ZRANB3: variants seen among roughly 807,000 people sequenced by gnomAD.
ZRANB3 encodes the protein DNA annealing helicase and endonuclease ZRANB3.
A neutral mutation model predicts 133.8 loss-of-function variants in ZRANB3; 125 were observed. The ratio of observed to expected loss-of-function variants is 0.93; its 90% CI spans 0.81 to 1.08. ZRANB3 has a LOEUF of 1.08. ZRANB3 is among the 50% of genes least tolerant of loss of function. ZRANB3 has a pLI of 0.00. For missense variants in ZRANB3, 1,229 were observed against 1,275.5 expected, an observed-to-expected ratio of 0.96 and a Z score of 0.56; for synonymous variants, 387 against 432.7, an observed-to-expected ratio of 0.89 and a Z score of 1.31.
intron 8 of ZRANB3, among the ~76,000 whole-genome samples, chr2:135,297,248 T>C (rs985898944): frequency 6.6e-6 from 1 of 152,186 alleles, no homozygotes; most frequent in African/African-American, 2.4e-5. Flanking sequence ...CCCGGCCACT[T>C]TGTTTACCTA....
intron 2 of ZRANB3, among the ~76,000 whole-genome samples, chr2:135,473,503 G>C (rs1209549318): frequency 1.3e-5 from 2 of 150,764 alleles, no homozygotes; most frequent in East Asian, 3.9e-4. Context: ...AAAGGACTCA[G>C]GTAATGTACA....
intron 2 of ZRANB3, among the ~76,000 whole-genome samples, chr2:135,491,599 C>T (rs1294947582): frequency 6.6e-6 from 1 of 152,122 alleles, no homozygotes; most frequent in Non-Finnish European, 1.5e-5. Flanking sequence ...CTGCAACCTC[C>T]ACCTCCCTGG....
At chr2:135,285,957 C>T (rs1681341958) in intron 8 of ZRANB3, among the ~76,000 whole-genome samples, 1 of 152,078 alleles carries the variant, frequency 6.6e-6, no homozygotes. Flanking sequence ...AAGTAATTGT[C>T]CTAATTATCA....
chr2:135,469,402 T>A (rs917387938), intron 2 of ZRANB3, among the ~76,000 whole-genome samples: 3 of 152,236 alleles, frequency 2.0e-5, no homozygotes, highest in Non-Finnish European at 4.4e-5. Context: ...AGTTACATGA[T>A]CAAGTATGGA....
At chr2:135,318,830 A>C (rs1683381833) in intron 6 of ZRANB3, among the ~76,000 whole-genome samples, 1 of 152,202 alleles carries the variant, frequency 6.6e-6, no homozygotes, top group Non-Finnish European at 1.5e-5. Context: ...ACTTCATAGC[A>C]TTGGTCTCCA....
chr2:135,236,024 T>C (rs1043452324), intron 12 of ZRANB3, among the ~76,000 whole-genome samples: 2 of 152,198 alleles, frequency 1.3e-5, no homozygotes, highest in Admixed American at 6.6e-5. Context: ...GACATGATTA[T>C]ATATCTAGAA....
chr2:135,414,407 T>A (rs779126717), intron 2 of ZRANB3, among the ~76,000 whole-genome samples: 44 of 152,082 alleles, frequency 2.9e-4, no homozygotes, highest in Non-Finnish European at 4.6e-4. Context: ...GAGCTAACTA[T>A]CCTAAATATA....
At position 135,504,357 on chromosome 2, in the gene ZRANB3, T is replaced by C. The variant is rs750512708; in HGVS notation, c.133A>G (p.Ile45Val). Reference sequence around the variant, plus strand: ...CCATTTCTTTTGAGGGCAAAAATGATGCCATCTTTCTGGAATGGAAGTAGC... The same window carrying C: ...CCATTTCTTTTGAGGGCAAAAATGACGCCATCTTTCTGGAATGGAAGTAGC... The part of the protein sequence containing the change: ...AKLLPFQKDG[I>V]IFALKRNGRC... The change falls in exon 2 of 21, where the codon ATC becomes GTC. Residue 45 changes from isoleucine (I) to valine (V), a missense_variant. Ile to Val is a conservative substitution (Grantham distance 29). Transcript: ENST00000264159. 6.2e-7 allele frequency: 1 copy of C among 1,613,628 alleles called. No individual in the cohort carries two copies. Among genetic ancestry groups the C allele is most frequent in the Non-Finnish European group, 8.5e-7 (1 of 1,179,710 alleles).
At chr2:135,223,302 C>G (rs1462206243) in intron 15 of ZRANB3, among the ~76,000 whole-genome samples, 2 of 151,438 alleles carry the variant, frequency 1.3e-5, no homozygotes, top group African/African-American at 2.4e-5. Context: ...GTTAATTATT[C>G]ACATTTAAGT....
chr2:135,264,947 C>T (rs1363168325), intron 12 of ZRANB3, among the ~76,000 whole-genome samples: 3 of 152,038 alleles, frequency 2.0e-5, no homozygotes, highest in Non-Finnish European at 2.9e-5. Context: ...CAGGGTTTCA[C>T]GATGTTGACT....
At chr2:135,262,466 T>C (rs1573782294) in intron 12 of ZRANB3, among the ~76,000 whole-genome samples, 1 of 152,120 alleles carries the variant, frequency 6.6e-6, no homozygotes, top group African/African-American at 2.4e-5. Context: ...CTCTATAACT[T>C]TGACACCATA....
intron 1 of ZRANB3, among the ~76,000 whole-genome samples, chr2:135,506,894 T>C (rs1693214176): frequency 6.6e-6 from 1 of 152,116 alleles, no homozygotes; most frequent in Non-Finnish European, 1.5e-5. Flanking sequence ...GATTTATGAG[T>C]CAGTTCTGTC....
At chr2:135,525,641 A>T (rs941223939) in intron 1 of ZRANB3, among the ~76,000 whole-genome samples, 5 of 152,180 alleles carry the variant, frequency 3.3e-5, no homozygotes, top group Non-Finnish European at 7.4e-5. Flanking sequence ...TGAGGTCAGG[A>T]GCTCCAGACC....
chr2:135,277,708 T>A (rs1680906956), intron 8 of ZRANB3, among the ~76,000 whole-genome samples: 1 of 152,112 alleles, frequency 6.6e-6, no homozygotes, highest in Non-Finnish European at 1.5e-5. Context: ...GCAGATCACT[T>A]AAGGTCAGGA....
intron 2 of ZRANB3, among the ~76,000 whole-genome samples, chr2:135,395,387 T>C (rs973425990): frequency 2.0e-5 from 3 of 149,994 alleles, no homozygotes; most frequent in Non-Finnish European, 4.4e-5. Context: ...ATCATGAAAC[T>C]ACTACAAGGA....
At chr2:135,384,929 G>T (rs1377968746) in intron 3 of ZRANB3, among the ~76,000 whole-genome samples, 1 of 152,062 alleles carries the variant, frequency 6.6e-6, no homozygotes, top group Non-Finnish European at 1.5e-5. Flanking sequence ...TTTGAAAGCT[G>T]GCACAAGACA....
chr2:135,515,383 C>T (rs1018659634), intron 1 of ZRANB3, among the ~76,000 whole-genome samples: 2 of 152,024 alleles, frequency 1.3e-5, no homozygotes. Context: ...ATTAGGGTGT[C>T]GATTTTAGAT....
intron 2 of ZRANB3, among the ~76,000 whole-genome samples, chr2:135,414,058 T>C (rs925946725): frequency 2.0e-5 from 3 of 150,698 alleles, no homozygotes; most frequent in African/African-American, 7.3e-5. Context: ...ATGAGCAAAA[T>C]AACCAGCTAA....
intron 2 of ZRANB3, among the ~76,000 whole-genome samples, chr2:135,434,763 C>T (rs1689459933): frequency 6.6e-6 from 1 of 152,172 alleles, no homozygotes; most frequent in Non-Finnish European, 1.5e-5. Context: ...CTAATCTAAG[C>T]TGAACAAGAA....
Sources: allele counts gnomAD v4.1 joint callset (sites outside exome capture counted in the v4.1 genomes callset), GRCh38; gene constraint gnomAD v4.1.1; transcripts MANE v1.5; gene names NCBI Gene and HGNC (gene_info 2026-07-23, HGNC 2026-07-21).